The following RNF213 variants were observed in gnomAD, a reference collection of about 807,000 sequenced individuals.
RNF213 encodes E3 ubiquitin-protein ligase RNF213.
In RNF213, 341 loss-of-function variants were observed where a neutral mutation model predicts 514.4. That is an observed-to-expected ratio of 0.66 (90% confidence interval 0.61 to 0.73). The LOEUF is 0.73. Ranked by LOEUF, RNF213 falls within the 30% of genes least tolerant of loss-of-function variation. RNF213 has a pLI of 0.00. For missense variants in RNF213, 5,767 were observed against 6,615.6 expected (o/e 0.87, Z 4.45); for synonymous variants, 2,655 against 2,658.2 (o/e 1.00, Z 0.04).
chr17:80,262,728 T>A (rs2043467836), intron 1 of RNF213, among the ~76,000 whole-genome samples: 1 of 152,134 alleles, frequency 6.6e-6, no homozygotes, highest in Admixed American at 6.6e-5. Flanking sequence ...TAGATTAGTC[T>A]CCCACACAGG....
intron 14 of RNF213, among the ~76,000 whole-genome samples, chr17:80,309,956 G>A (rs942985257): frequency 1.3e-5 from 2 of 151,850 alleles, no homozygotes; most frequent in East Asian, 1.9e-4. Context: ...GGGTTTCACC[G>A]TGTTAGCCAG....
At chr17:80,294,064 C>T (rs1382425622) in intron 8 of RNF213, among the ~76,000 whole-genome samples, 1 of 152,188 alleles carries the variant, frequency 6.6e-6, no homozygotes, top group Non-Finnish European at 1.5e-5. Context: ...GTTTGTAGGT[C>T]TTCACGTGGC....
At chr17:80,387,608 A>G (rs574331177) in intron 63 of RNF213, among the ~76,000 whole-genome samples, 7 of 152,296 alleles carry the variant, frequency 4.6e-5, no homozygotes, top group African/African-American at 1.7e-4. Context: ...GCCCACCTCC[A>G]GGTTCTTCAG....
At chr17:80,297,150 C>T (rs191344023) in intron 10 of RNF213, among the ~76,000 whole-genome samples, 2 of 151,546 alleles carry the variant, frequency 1.3e-5, no homozygotes, top group Non-Finnish European at 2.9e-5. Context: ...TCAACCCTTA[C>T]GTTTAAAAAG....
chr17:80,383,163 T>C, intron 58 of RNF213, 93 bp downstream of exon 58: 1 of 877,784 alleles, frequency 1.1e-6, no homozygotes, highest in Non-Finnish European at 1.9e-6. Context: ...TTGCCCCTCG[T>C]AGCGGTGCCA....
At position 80,377,095 on chromosome 17, in the gene RNF213, C is replaced by T. The variant is rs1436804720; in HGVS notation, c.13510+132C>T. ...GGGTCCAAAACCACCTGCATTCTAC[C>T]GGTGGCGTCTGCAGAAGACGAATGG... On this transcript the variant is annotated intron_variant, in intron 53 of 67. Transcript: ENST00000582970. The surrounding 1 kb of genome is among the most constrained non-coding windows in gnomAD (Gnocchi z 4.1). The T allele has an allele frequency of 3.0e-5, 21 of 707,990 alleles. No homozygotes were observed. Among genetic ancestry groups the T allele is most frequent in the African/African-American group, 8.8e-5 (5 of 57,016 alleles). 43.9% of individuals were successfully genotyped at this position (707,990 alleles called of 1,614,324 possible). A position where few individuals can be genotyped will look rare whatever the true frequency, so the allele number is the denominator to read the frequency against.
chr17:80,356,319 C>T (rs1362282030), intron 36 of RNF213, among the ~76,000 whole-genome samples: 1 of 152,200 alleles, frequency 6.6e-6, no homozygotes, highest in Non-Finnish European at 1.5e-5. Context: ...GCTTTTGAAT[C>T]CCTGACTCCA....
chr17:80,375,426 T>G (rs1052919507), intron 50 of RNF213, among the ~76,000 whole-genome samples: 9 of 151,822 alleles, frequency 5.9e-5, no homozygotes, highest in African/African-American at 1.7e-4. Context: ...CAGGCAGCGG[T>G]GCGGGGGCGT....
rs183953855 is a variant in RNF213, at chr17:80,293,181, C to A, written c.1471+1354C>A. Reference sequence around the variant, plus strand: ...CAGCTGATCCTCCCCCTCAGCCCCCCCAAGTAGCTGGGCCTACAGGCGTGT... The same window carrying A: ...CAGCTGATCCTCCCCCTCAGCCCCCACAAGTAGCTGGGCCTACAGGCGTGT... On this transcript the variant is annotated intron_variant, in intron 8 of 67. Coordinates refer to ENST00000582970, the MANE Select transcript of RNF213 (RefSeq NM_001256071.3). Among the ~76,000 whole-genome samples the A allele has an allele frequency of 5.3e-4, 80 of 152,178 alleles. 1 individual carries two copies. The highest frequency in any genetic ancestry group is 1.2e-3 in the South Asian group (6 of 4,814).
At chr17:80,313,912 T>A (rs866662528) in intron 15 of RNF213, among the ~76,000 whole-genome samples, 37 of 6,192 alleles carry the variant, frequency 6.0e-3, no homozygotes, top group Admixed American at 0.012. Context: ...GTGGTGGTGG[T>A]GATGGTGGAG....
rs564335278 is a variant in RNF213 at position 80,365,843 on chromosome 17, T to C, written c.11871+1290T>C. The stretch of plus-strand genomic sequence containing the variant: ...TTTCAGCCAGGTCCAGCGTGGGTCA[T>C]AAGGGCCAGGTGCCCATAAACCCAA... On this transcript the variant is annotated intron_variant, in intron 42 of 67. Transcript: ENST00000582970. Among the ~76,000 whole-genome samples the C allele has an allele frequency of 4.6e-5, 7 of 152,280 alleles. No individual in the cohort carries two copies. In the South Asian group the frequency reaches 1.5e-3, roughly 32 times the overall value.
chr17:80,356,981 G>T lies in RNF213; in HGVS notation c.10863-1307G>T, dbSNP rs545073890. On this transcript the variant is annotated intron_variant, in intron 36 of 67. Coordinates refer to ENST00000582970, the MANE Select transcript of RNF213 (RefSeq NM_001256071.3). Reference sequence around the variant, plus strand: ...GTCCCCCATGCTGGAGTGCAATGGCGCGATTTTGGCTCACTGCAACTTCTG... The same window carrying T: ...GTCCCCCATGCTGGAGTGCAATGGCTCGATTTTGGCTCACTGCAACTTCTG... 4.0e-3 allele frequency among the ~76,000 whole-genome samples: 608 copies of T among 150,778 alleles called. 1 individual carries two copies. Among genetic ancestry groups the T allele is most frequent in the Non-Finnish European group, 5.6e-3 (381 of 67,894 alleles).
intron 31 of RNF213, among the ~76,000 whole-genome samples, chr17:80,351,440 G>T (rs904852336): frequency 1.3e-5 from 2 of 152,220 alleles, no homozygotes; most frequent in African/African-American, 4.8e-5. Context: ...CAAAGCAGAG[G>T]ACACAGGAAT....
Position 80,381,640 on chromosome 17 carries a change from C to T in RNF213, c.13891C>T (p.Leu4631=), listed in dbSNP as rs1164938717. The T allele has an allele frequency of 8.7e-6, 14 of 1,614,124 alleles. No homozygotes were observed. Among genetic ancestry groups the T allele is most frequent in the East Asian group, 2.2e-5 (1 of 44,898 alleles). Residue 4631 remains leucine, a synonymous_variant, in exon 57 of 68, where the codon CTG becomes TTG. Coordinates refer to ENST00000582970, the MANE Select transcript of RNF213 (RefSeq NM_001256071.3). ...GGACCTGGAGCAGTTGGCCAAGATG[C>T]TGGGACACAGTGCCGACGAGACCAT... ...LKDLEQLAKM[L]GHSADETIGV... is the part of the protein sequence containing the mutation.
At chr17:80,333,391 C>A (rs912674755) in intron 21 of RNF213, among the ~76,000 whole-genome samples, 1 of 149,642 alleles carries the variant, frequency 6.7e-6, no homozygotes, top group African/African-American at 2.4e-5. Flanking sequence ...TTTAGGTAGA[C>A]CGAGATAATG....
chr17:80,367,204 CCATGTT>C (rs1346415328), intron 42 of RNF213, among the ~76,000 whole-genome samples: 3 of 152,094 alleles, frequency 2.0e-5, no homozygotes, highest in African/African-American at 7.2e-5. Context: ...AATAATAACT[CCATGTT>C]CAGATATGCT....
intron 25 of RNF213, among the ~76,000 whole-genome samples, chr17:80,338,736 G>A (rs2078060881): frequency 6.6e-6 from 1 of 151,776 alleles, no homozygotes; most frequent in African/African-American, 2.4e-5. Context: ...ATCACTTGAG[G>A]TCAGGTGTTT....
intron 63 of RNF213, among the ~76,000 whole-genome samples, chr17:80,387,269 C>T (rs1018892259): frequency 3.3e-5 from 5 of 152,054 alleles, no homozygotes; most frequent in African/African-American, 1.2e-4. Flanking sequence ...CCATGCCCAG[C>T]TAATTTGTGT....
chr17:80,267,230 G>GA (rs553350644), intron 2 of RNF213, among the ~76,000 whole-genome samples: 1 of 149,138 alleles, frequency 6.7e-6, no homozygotes, highest in East Asian at 2.0e-4. Context: ...AAAAAAAAAA[G>GA]AAAAAAAAGA....
Sources: gnomAD v4.1 joint callset for allele counts (sites outside exome capture counted in the v4.1 genomes callset) on GRCh38, gnomAD v4.1.1 for gene constraint, Gnocchi (gnomAD v3.1) non-coding constraint, MANE v1.5 for transcripts, NCBI Gene and HGNC (gene_info 2026-07-23, HGNC 2026-07-21) for gene names.